Variants in ZNF600 observed in about 807,000 individuals in gnomAD.
ZNF600 encodes zinc finger protein 600, also known as zinc finger protein KR-ZNF1.
Under a neutral mutation model 7.3 loss-of-function variants are expected in ZNF600, and 4 were observed. That is an observed-to-expected ratio of 0.55 (90% CI 0.27 to 1.25). The LOEUF is 1.25. Among genes scored for constraint, ZNF600 ranks in the 50% most tolerant of loss-of-function variants. ZNF600 has a pLI of 0.12. For missense variants in ZNF600, 911 were observed against 922.1 expected (o/e 0.99, Z 0.16); for synonymous variants, 290 against 308.9 (o/e 0.94, Z 0.64).
the ZNF600 span, among the ~76,000 whole-genome samples, chr19:52,813,918 G>T: frequency 3.7e-3 from 534 of 146,074 alleles, 83 homozygotes; most frequent in African/African-American, 0.014. Flanking sequence ...CAGGGAGGTG[G>T]GAGATGGACT....
At chr19:52,785,791 CCCT>C (rs1165898854) in intron 1 of ZNF600, among the ~76,000 whole-genome samples, 2 of 152,116 alleles carry the variant, frequency 1.3e-5, no homozygotes, top group African/African-American at 4.8e-5. Context: ...GGCTCCAAAT[CCCT>C]CCTCCTCTCC....
chr19:52,778,916 G>T lies in ZNF600; in HGVS notation c.-19-9C>A. On this transcript the variant is annotated splice_polypyrimidine_tract_variant and intron_variant, in intron 1 of 3. Transcript: ENST00000648973. ...GTCTTTAGGAATCAATCCTGTATGT[G>T]AAAAAAAATGAGACTTCTTGTTAGA... The T allele has an allele frequency of 6.3e-7, 1 of 1,574,994 alleles. No individual in the cohort carries two copies. The highest frequency in any genetic ancestry group is 8.6e-7 in the Non-Finnish European group (1 of 1,166,656).
chr19:52,780,733 AAACAAAC>A (rs2062714021), intron 1 of ZNF600: 1 of 141,918 alleles, frequency 7.0e-6, no homozygotes, highest in African/African-American at 2.9e-5. Flanking sequence ...CCTCTCAAAA[AAACAAAC>A]AAACAAACAA....
At chr19:52,767,516 G>A (rs773819717) in exon 4 of ZNF600, 1 of 1,614,136 alleles carries the variant, frequency 6.2e-7, no homozygotes, top group South Asian at 1.1e-5. Context: ...TAATAGGCTT[G>A]TTTCCAGCAT....
the ZNF600 span, among the ~76,000 whole-genome samples, chr19:52,823,871 T>G: frequency 6.6e-6 from 1 of 152,000 alleles, no homozygotes; most frequent in Admixed American, 6.6e-5. Flanking sequence ...GAGACCGGCC[T>G]GACCAATATG....
chr19:52,801,070 C>G, the ZNF600 span: 1 of 1,614,148 alleles, frequency 6.2e-7, no homozygotes, highest in Non-Finnish European at 8.5e-7. Context: ...CGATGGCATG[C>G]AAGGTATCGC....
the ZNF600 span, among the ~76,000 whole-genome samples, chr19:52,824,591 T>C: frequency 6.6e-6 from 1 of 152,106 alleles, no homozygotes; most frequent in East Asian, 1.9e-4. Context: ...GCTGAGATTG[T>C]GCCACTGCAC....
At chr19:52,810,096 G>C in the ZNF600 span, 2 of 786,898 alleles carry the variant, frequency 2.5e-6, no homozygotes, top group Non-Finnish European at 2.2e-6. Context: ...AGGAGCCACC[G>C]GCAGCCAAGA....
chr19:52,829,911 A>G, the ZNF600 span, among the ~76,000 whole-genome samples: 1 of 152,142 alleles, frequency 6.6e-6, no homozygotes. Flanking sequence ...TATTACACAA[A>G]GGCAGTTTAC....
chr19:52,816,468 T>C, the ZNF600 span, among the ~76,000 whole-genome samples: 1 of 145,056 alleles, frequency 6.9e-6, no homozygotes, highest in South Asian at 2.3e-4. Flanking sequence ...ATTGAGACCA[T>C]CCTGGCTAAC....
the ZNF600 span, among the ~76,000 whole-genome samples, chr19:52,825,817 CTCT>C: frequency 6.6e-6 from 1 of 152,066 alleles, no homozygotes; most frequent in Non-Finnish European, 1.5e-5. Flanking sequence ...GAAACTCCAT[CTCT>C]ATTAAAAATA....
chr19:52,775,322 C>T (rs897365940), intron 2 of ZNF600, among the ~76,000 whole-genome samples: 5 of 151,966 alleles, frequency 3.3e-5, no homozygotes, highest in East Asian at 3.9e-4. Context: ...GAGACCAAGA[C>T]GGGCAGATAA....
chr19:52,804,616 C>T, the ZNF600 span, among the ~76,000 whole-genome samples: 30 of 152,294 alleles, frequency 2.0e-4, no homozygotes, highest in African/African-American at 6.7e-4. Context: ...AGTGATCAAC[C>T]GATCGCAGTC....
the ZNF600 span, among the ~76,000 whole-genome samples, chr19:52,819,050 T>A: frequency 7.1e-6 from 1 of 141,836 alleles, no homozygotes; most frequent in Non-Finnish European, 1.5e-5. Context: ...GACAGTGCCA[T>A]CTTCATTTAG....
the ZNF600 span, among the ~76,000 whole-genome samples, chr19:52,828,308 C>T: frequency 6.6e-6 from 1 of 151,912 alleles, no homozygotes; most frequent in African/African-American, 2.4e-5. Flanking sequence ...CACCTCAACC[C>T]CCCAAAGTCC....
At chr19:52,806,930 G>A in the ZNF600 span, among the ~76,000 whole-genome samples, 6 of 152,150 alleles carry the variant, frequency 3.9e-5, no homozygotes, top group African/African-American at 1.4e-4. Context: ...AGAATAGAAA[G>A]AAAGAGCAGA....
the ZNF600 span, among the ~76,000 whole-genome samples, chr19:52,802,504 C>T: frequency 6.6e-6 from 1 of 152,126 alleles, no homozygotes; most frequent in Non-Finnish European, 1.5e-5. Context: ...GTGGCAAAAC[C>T]CCATCTGTAC....
chr19:52,810,972 C>T, the ZNF600 span, among the ~76,000 whole-genome samples: 14,020 of 137,596 alleles, frequency 0.1, 1,212 homozygotes, highest in African/African-American at 0.21. Context: ...GCCATCTCGG[C>T]TCACTGCAAC....
the ZNF600 span, chr19:52,809,823 G>GGCAGCAGCA: frequency 2.4e-6 from 1 of 423,302 alleles, no homozygotes; most frequent in Non-Finnish European, 4.1e-6. Context: ...GAGCGGCGAA[G>GGCAGCAGCA]GCGGCGGCGG....
Sources: allele counts gnomAD v4.1 joint callset (sites outside exome capture counted in the v4.1 genomes callset), GRCh38; gene constraint gnomAD v4.1.1; transcripts MANE v1.5; gene names NCBI Gene and HGNC (gene_info 2026-07-23, HGNC 2026-07-21).